The following DNAI4 variants were observed in gnomAD, a reference collection of about 807,000 sequenced individuals.
DNAI4 encodes the protein WD repeat domain 78.
A neutral mutation model predicts 105.8 loss-of-function variants in DNAI4; 85 were observed. That is an observed-to-expected ratio of 0.80 (90% CI 0.67 to 0.96). The LOEUF (loss-of-function observed/expected upper bound fraction) is 0.96, where lower values mean the gene tolerates loss of function less well. DNAI4 is among the 40% of genes least tolerant of loss of function. The probability of loss-of-function intolerance (pLI) is 0.00; values close to 1 mark genes in which losing one functional copy is unlikely to be tolerated. For missense variants in DNAI4, 1,014 were observed against 1,005.6 expected (o/e 1.01, Z -0.11); for synonymous variants, 352 against 331.5 (o/e 1.06, Z -0.67).
intron 4 of DNAI4, among the ~76,000 whole-genome samples, chr1:66,886,509 T>A (rs1478951254): frequency 1.3e-5 from 2 of 152,194 alleles, no homozygotes; most frequent in African/African-American, 2.4e-5. Flanking sequence ...TTAATGTTGT[T>A]TTAGCTACAG....
chr1:66,906,673 T>C (rs1204217558), intron 1 of DNAI4, among the ~76,000 whole-genome samples: 3 of 152,154 alleles, frequency 2.0e-5, no homozygotes, highest in African/African-American at 7.2e-5. Flanking sequence ...ATTTTTAAAA[T>C]ATATGAGTAA....
intron 5 of DNAI4, 31 bp downstream of exon 5, chr1:66,874,750 G>T: frequency 6.3e-7 from 1 of 1,578,302 alleles, no homozygotes; most frequent in Non-Finnish European, 8.6e-7. Flanking sequence ...TTGAATTACA[G>T]AAACAATGTA....
chr1:66,850,836 G>A (rs1303200728), intron 7 of DNAI4, among the ~76,000 whole-genome samples: 1 of 151,714 alleles, frequency 6.6e-6, no homozygotes, highest in East Asian at 1.9e-4. Context: ...TAATAAAAAA[G>A]CTGCACATAA....
At chr1:66,825,219 C>T (rs1343331541) in intron 15 of DNAI4, among the ~76,000 whole-genome samples, 17 of 130,028 alleles carry the variant, frequency 1.3e-4, no homozygotes, top group Middle Eastern at 5.0e-3. Flanking sequence ...GTCGCCCAGG[C>T]GGGACTGCGG....
intron 1 of DNAI4, among the ~76,000 whole-genome samples, chr1:66,924,288 A>T (rs1479892443): frequency 1.3e-5 from 2 of 152,202 alleles, no homozygotes; most frequent in East Asian, 1.9e-4. Context: ...CTCCTGCCTC[A>T]GCCTCCCAAG....
In DNAI4 at chr1:66,881,474, G is replaced by A. The variant is rs116392710; in HGVS notation, c.644-6537C>T. On this transcript the variant is annotated intron_variant, in intron 4 of 16. Coordinates refer to ENST00000371026, the MANE Select transcript of DNAI4 (RefSeq NM_024763.5). ...CCGGATGCAAGATACGGAGTGAAAAGAGATCATTTTTGAGTTTTAAAATTT... is the reference window on the plus strand; with the variant it reads ...CCGGATGCAAGATACGGAGTGAAAAAAGATCATTTTTGAGTTTTAAAATTT... 5.7e-3 allele frequency among the ~76,000 whole-genome samples: 866 copies of A among 152,368 alleles called. 3 individuals are homozygous for A. The highest frequency in any genetic ancestry group is 0.019 in the African/African-American group (805 of 41,592).
At chr1:66,842,367 T>A (rs1646167955) in intron 8 of DNAI4, among the ~76,000 whole-genome samples, 1 of 151,792 alleles carries the variant, frequency 6.6e-6, no homozygotes, top group African/African-American at 2.4e-5. Flanking sequence ...ACGGTAAGAG[T>A]ATGTTTGGGT....
chr1:66,869,488 AT>A (rs1252311230), intron 6 of DNAI4, among the ~76,000 whole-genome samples: 1 of 152,190 alleles, frequency 6.6e-6, no homozygotes, highest in African/African-American at 2.4e-5. Flanking sequence ...ACATACAGTA[AT>A]CCATTTAAAA....
intron 7 of DNAI4, among the ~76,000 whole-genome samples, chr1:66,848,868 C>T (rs1159124907): frequency 6.6e-6 from 1 of 152,146 alleles, no homozygotes; most frequent in Non-Finnish European, 1.5e-5. Context: ...CAGCCAAGCA[C>T]AGAAAAAATT....
At position 66,891,169 on chromosome 1, in the gene DNAI4, A is replaced by G. The variant is rs757998528; in HGVS notation, c.628T>C (p.Leu210=). 8.7e-6 allele frequency: 14 copies of G among 1,612,276 alleles called. No homozygotes were observed. The East Asian group carries it at 1.8e-4, about 21-fold the overall frequency. ...TTTTCATTACCTGTGAAACTAGTCA[A>G]TCTTTCCCGTTTATAGGATGGTTCT... ...LEEPSYKRER[L]TSFTDLQVIR... Residue 210 remains leucine, a synonymous_variant, in exon 4 of 17, where the codon TTG becomes CTG. Coordinates refer to ENST00000371026, the MANE Select transcript of DNAI4 (RefSeq NM_024763.5).
chr1:66,909,996 C>T (rs558832247), intron 1 of DNAI4, among the ~76,000 whole-genome samples: 24 of 152,296 alleles, frequency 1.6e-4, no homozygotes, highest in Non-Finnish European at 2.9e-4. Context: ...CATCTTCCTA[C>T]TTAACCTTGA....
intron 8 of DNAI4, among the ~76,000 whole-genome samples, chr1:66,844,331 C>A (rs867435516): frequency 6.6e-6 from 1 of 151,544 alleles, no homozygotes; most frequent in Non-Finnish European, 1.5e-5. Context: ...GAGGCTGAGG[C>A]GGGTGGATCA....
chr1:66,846,619 T>G (rs1257199998), intron 8 of DNAI4, among the ~76,000 whole-genome samples: 1 of 152,224 alleles, frequency 6.6e-6, no homozygotes, highest in Non-Finnish European at 1.5e-5. Context: ...ATATTGCAGA[T>G]ATCTTTTGAA....
chr1:66,819,672 A>T (rs921817885), intron 16 of DNAI4, among the ~76,000 whole-genome samples: 2 of 152,130 alleles, frequency 1.3e-5, no homozygotes, highest in African/African-American at 2.4e-5. Flanking sequence ...CAGGTTTTAT[A>T]TATATATATA....
intron 1 of DNAI4, among the ~76,000 whole-genome samples, chr1:66,922,743 T>C (rs886867609): frequency 6.6e-6 from 1 of 152,126 alleles, no homozygotes; most frequent in Non-Finnish European, 1.5e-5. Flanking sequence ...CCTGAGTAAG[T>C]GAAAGAGTGG....
chr1:66,849,976 G>A (rs1487005755), intron 7 of DNAI4, among the ~76,000 whole-genome samples: 1 of 151,960 alleles, frequency 6.6e-6, no homozygotes, highest in Non-Finnish European at 1.5e-5. Context: ...TTGGAGGAAC[G>A]GGGTGAGCCT....
intron 7 of DNAI4, among the ~76,000 whole-genome samples, chr1:66,861,772 G>A (rs1412732054): frequency 6.6e-6 from 1 of 152,132 alleles, no homozygotes; most frequent in African/African-American, 2.4e-5. Context: ...CAAATTAAGA[G>A]CCACTGTTGT....
At position 66,860,339 on chromosome 1, in the gene DNAI4, T is replaced by C. The variant is rs187924; in HGVS notation, c.1096+1808A>G. On this transcript the variant is annotated intron_variant, in intron 7 of 16. Transcript: ENST00000371026. ...AAGTTTAAATGGAATAAAAATATTT[T>C]TTAAATCAAATATGGACCATATTTA... 9.8e-3 allele frequency among the ~76,000 whole-genome samples: 1,488 copies of C among 152,186 alleles called. 19 individuals are homozygous for C. Among genetic ancestry groups the C allele is most frequent in the African/African-American group, 0.033 (1,392 of 41,558 alleles).
chr1:66,898,334 T>C (rs757013553), intron 2 of DNAI4, among the ~76,000 whole-genome samples: 2 of 152,106 alleles, frequency 1.3e-5, no homozygotes, highest in Admixed American at 6.6e-5. Flanking sequence ...AATTAATGTG[T>C]TTTACATGTG....
Sources: allele counts gnomAD v4.1 joint callset (sites outside exome capture counted in the v4.1 genomes callset), GRCh38; gene constraint gnomAD v4.1.1; transcripts MANE v1.5; gene names NCBI Gene and HGNC (gene_info 2026-07-23, HGNC 2026-07-21).